The following LRRC4C variants were observed in gnomAD, a reference collection of about 807,000 sequenced individuals.
The protein encoded by LRRC4C is leucine-rich repeat-containing protein 4C.
LRRC4C carries 5 observed loss-of-function variants against 33.6 expected under a neutral mutation model. That is an observed-to-expected ratio of 0.15 (90% confidence interval 0.08 to 0.31). LRRC4C has a LOEUF of 0.31. Ranked by LOEUF, LRRC4C falls within the 10% of genes least tolerant of loss-of-function variation. LRRC4C has a pLI of 1.00. For synonymous variants in LRRC4C, 329 were observed against 302.0 expected, an observed-to-expected ratio of 1.09 and a Z score of -0.93; for missense variants, 560 against 796.7, an observed-to-expected ratio of 0.70 and a Z score of 3.58.
intron 1 of LRRC4C, among the ~76,000 whole-genome samples, chr11:41,371,474 G>A (rs1952743928): frequency 6.6e-6 from 1 of 152,104 alleles, no homozygotes; most frequent in Non-Finnish European, 1.5e-5. Flanking sequence ...AATCCATGTG[G>A]TTTAATATGT....
At chr11:40,534,010 A>C (rs1956374482) in intron 3 of LRRC4C, among the ~76,000 whole-genome samples, 1 of 152,190 alleles carries the variant, frequency 6.6e-6, no homozygotes, top group Non-Finnish European at 1.5e-5. Flanking sequence ...TTTGAGGCAC[A>C]TGTGCTAATG....
chr11:41,416,327 T>A (rs529812898), intron 1 of LRRC4C, among the ~76,000 whole-genome samples: 18 of 152,140 alleles, frequency 1.2e-4, no homozygotes, highest in African/African-American at 3.4e-4. Context: ...GTTGAGTGGT[T>A]CATCTATCAC....
At chr11:40,405,465 G>A (rs966940233) in intron 3 of LRRC4C, among the ~76,000 whole-genome samples, 9 of 151,454 alleles carry the variant, frequency 5.9e-5, no homozygotes, top group African/African-American at 1.5e-4. Context: ...GTGAAACCCC[G>A]TCTCTACTAA....
At chr11:40,873,389 G>A (rs1405419001) in intron 2 of LRRC4C, among the ~76,000 whole-genome samples, 1 of 152,134 alleles carries the variant, frequency 6.6e-6, no homozygotes, top group African/African-American at 2.4e-5. Context: ...ACCACCAGAT[G>A]GAGCCTCTCA....
chr11:41,223,694 T>C (rs1247986980), intron 1 of LRRC4C, among the ~76,000 whole-genome samples: 2 of 152,170 alleles, frequency 1.3e-5, no homozygotes, highest in African/African-American at 2.4e-5. Flanking sequence ...CCAATTCTAG[T>C]AAAGGCTGAG....
chr11:41,022,982 A>G (rs1377469503), intron 1 of LRRC4C, among the ~76,000 whole-genome samples: 1 of 151,982 alleles, frequency 6.6e-6, no homozygotes, highest in Admixed American at 6.6e-5. Context: ...ACAAATCTGT[A>G]TGTAAAAATC....
intron 2 of LRRC4C, among the ~76,000 whole-genome samples, chr11:40,689,385 C>T (rs1478427177): frequency 3.3e-5 from 5 of 152,000 alleles, no homozygotes; most frequent in Non-Finnish European, 7.4e-5. Context: ...ATTTTAATGT[C>T]TACCCTACAT....
chr11:40,809,133 T>C (rs975480310), intron 2 of LRRC4C, among the ~76,000 whole-genome samples: 1 of 152,138 alleles, frequency 6.6e-6, no homozygotes, highest in Non-Finnish European at 1.5e-5. Context: ...ACCATCTCAA[T>C]TCTCTGCTTC....
chr11:40,954,900 A>G (rs1371490206), intron 1 of LRRC4C, among the ~76,000 whole-genome samples: 1 of 151,726 alleles, frequency 6.6e-6, no homozygotes, highest in African/African-American at 2.4e-5. Flanking sequence ...GTTTGTACAC[A>G]TTTCCTCATC....
intron 3 of LRRC4C, among the ~76,000 whole-genome samples, chr11:40,462,597 G>A (rs1418326554): frequency 6.6e-6 from 1 of 152,060 alleles, no homozygotes; most frequent in Non-Finnish European, 1.5e-5. Context: ...CTTATGAAGG[G>A]TGGTGAGAAG....
intron 3 of LRRC4C, among the ~76,000 whole-genome samples, chr11:40,586,292 A>G (rs1176058635): frequency 6.6e-6 from 1 of 151,086 alleles, no homozygotes; most frequent in African/African-American, 2.5e-5. Flanking sequence ...GCGTCTGTTC[A>G]TGTCCTTCAC....
intron 1 of LRRC4C, among the ~76,000 whole-genome samples, chr11:40,952,343 C>T (rs991715485): frequency 9.2e-5 from 14 of 151,852 alleles, no homozygotes; most frequent in African/African-American, 3.1e-4. Context: ...TGGCTGGCTT[C>T]GAAAGCTACC....
chr11:40,369,444 C>G (rs1565321300), intron 3 of LRRC4C, among the ~76,000 whole-genome samples: 1 of 152,108 alleles, frequency 6.6e-6, no homozygotes, highest in Non-Finnish European at 1.5e-5. Flanking sequence ...CTCCCGGGTT[C>G]AAGCATTTCT....
chr11:41,296,207 C>T (rs1950137168), intron 1 of LRRC4C, among the ~76,000 whole-genome samples: 1 of 152,162 alleles, frequency 6.6e-6, no homozygotes, highest in African/African-American at 2.4e-5. Context: ...GAACAGTGTA[C>T]TTCCGATAGG....
At chr11:40,961,219 CAA>C (rs1850957811) in intron 1 of LRRC4C, among the ~76,000 whole-genome samples, 1 of 151,692 alleles carries the variant, frequency 6.6e-6, no homozygotes, top group South Asian at 2.1e-4. Context: ...ATTTCTGAGA[CAA>C]GAGCTATTGT....
At chr11:41,224,561 C>T (rs1211106011) in intron 1 of LRRC4C, among the ~76,000 whole-genome samples, 3 of 152,278 alleles carry the variant, frequency 2.0e-5, no homozygotes, top group South Asian at 4.1e-4. Context: ...TTGTCCCCTT[C>T]TTAATAGGTT....
chr11:40,649,022 C>T (rs1942631223), intron 2 of LRRC4C, among the ~76,000 whole-genome samples: 1 of 151,870 alleles, frequency 6.6e-6, no homozygotes, highest in South Asian at 2.1e-4. Flanking sequence ...CTTCAAAGGG[C>T]AAAAAGGAGA....
At chr11:41,244,081 G>A (rs774789354) in intron 1 of LRRC4C, among the ~76,000 whole-genome samples, 1 of 152,050 alleles carries the variant, frequency 6.6e-6, no homozygotes, top group Admixed American at 6.6e-5. Context: ...GAAGAGAATG[G>A]ATAATTTCCA....
Position 41,186,514 on chromosome 11 carries a change from G to A in LRRC4C, c.-495-252791C>T, listed in dbSNP as rs190534336. On this transcript the variant is annotated intron_variant, in intron 1 of 6. Coordinates refer to ENST00000528697, the MANE Select transcript of LRRC4C (RefSeq NM_001258419.2). Reference sequence around the variant, plus strand: ...AGTTGGCTCATGGGTTAGGCACTAGGTTTCTTTGTATCTTTATCTTTAAAA... The same window carrying A: ...AGTTGGCTCATGGGTTAGGCACTAGATTTCTTTGTATCTTTATCTTTAAAA... 2.0e-3 allele frequency among the ~76,000 whole-genome samples: 311 copies of A among 152,264 alleles called. 7 individuals are homozygous for A. In the Middle Eastern group the frequency reaches 0.044, roughly 22 times the overall value.
Sources: gnomAD v4.1 joint callset for allele counts (sites outside exome capture counted in the v4.1 genomes callset) on GRCh38, gnomAD v4.1.1 for gene constraint, MANE v1.5 for transcripts, NCBI Gene and HGNC (gene_info 2026-07-23, HGNC 2026-07-21) for gene names.